Variants in DLG5 observed in about 807,000 individuals in gnomAD.
The protein encoded by DLG5 is disks large homolog 5.
DLG5 carries 48 observed loss-of-function variants against 189.8 expected under a neutral mutation model. The observed-to-expected ratio is 0.25, with a 90% CI of 0.20 to 0.32. The LOEUF (loss-of-function observed/expected upper bound fraction) is 0.32. Among genes scored for constraint, DLG5 ranks in the 10% least tolerant of loss-of-function variants. DLG5 has a pLI of 1.00. For missense variants in DLG5, 2,160 were observed against 2,544.7 expected, an observed-to-expected ratio of 0.85 and a Z score of 3.25; for synonymous variants, 1,016 against 1,054.1, an observed-to-expected ratio of 0.96 and a Z score of 0.70.
chr10:77,796,146 T>C lies in DLG5; in HGVS notation c.5351A>G (p.Lys1784Arg), dbSNP rs1476297678. 2 of 1,614,056 alleles carry C rather than the reference T, an allele frequency of 1.2e-6. No individual in the cohort carries two copies. The highest frequency in any genetic ancestry group is 3.3e-5 in the Admixed American group (2 of 60,006). The change falls in exon 29 of 32, where the codon AAA (lysine) becomes AGA (arginine). Residue 1784 changes from lysine (K) to arginine (R), a missense_variant. By Grantham distance (26) the Lys-to-Arg change is conservative. This residue lies in a region of DLG5 where 574 missense variants were observed against 644.2 expected (regional missense o/e 0.89). Coordinates refer to ENST00000372391, the MANE Select transcript of DLG5 (RefSeq NM_004747.4). The surrounding 1 kb of genome is among the most constrained non-coding windows in gnomAD (Gnocchi z 5.2). Reference protein sequence around the residue: ...ASQQAIERGVKDCLFVDYKRR... With the variant: ...ASQQAIERGVRDCLFVDYKRR... Reference sequence around the variant, plus strand: ...CTTATAGTCGACAAACAGGCAATCTTTGACACCCCGCTCAATGGCCTGCTG... The same window carrying C: ...CTTATAGTCGACAAACAGGCAATCTCTGACACCCCGCTCAATGGCCTGCTG...
At chr10:77,850,963 T>C (rs985204669) in intron 5 of DLG5, among the ~76,000 whole-genome samples, 2 of 152,104 alleles carry the variant, frequency 1.3e-5, no homozygotes, top group Non-Finnish European at 2.9e-5. Flanking sequence ...AGGCAAAAGG[T>C]TACCTGAGCC....
At chr10:77,811,867 C>A in intron 22 of DLG5, 57 bp downstream of exon 22, 2 of 1,541,876 alleles carry the variant, frequency 1.3e-6, no homozygotes, top group Admixed American at 1.9e-5. Flanking sequence ...GAGCAGAGTG[C>A]TGCTGCACCC....
At chr10:77,935,815 A>G in the DLG5 span, among the ~76,000 whole-genome samples, 1 of 152,180 alleles carries the variant, frequency 6.6e-6, no homozygotes, top group Non-Finnish European at 1.5e-5. Flanking sequence ...GCAGAGGAGC[A>G]GTTGTTTCTA....
chr10:77,926,615 G>A lies in DLG5; in HGVS notation c.-95C>T, dbSNP rs1209442402. 9.9e-7 allele frequency: 1 copy of A among 1,013,484 alleles called. No homozygotes were observed. The highest frequency in any genetic ancestry group is 1.2e-6 in the Non-Finnish European group (1 of 822,846). The allele number at this position is 1,013,484 out of a possible 1,614,324, so 62.8% of individuals were successfully genotyped here. On this transcript the variant is annotated 5_prime_UTR_variant, in exon 1 of 32. Coordinates refer to ENST00000372391, the MANE Select transcript of DLG5 (RefSeq NM_004747.4). This position sits in a 1 kb window ranked among gnomAD's most constrained non-coding sequence, Gnocchi z 5.2. ...CGAGCACCTCGGCAGCAGCCCTAGG[G>A]CGCCGGGAGCCGTGAGGCGGCGGGA...
At chr10:77,818,783 AT>A (rs10708893) in intron 17 of DLG5, among the ~76,000 whole-genome samples, 105,834 of 148,384 alleles carry the variant, frequency 0.71, 38,048 homozygotes, top group African/African-American at 0.84. Flanking sequence ...CACTTCGTTC[AT>A]TTTTTTTTTT....
the DLG5 span, among the ~76,000 whole-genome samples, chr10:77,937,538 G>GA: frequency 6.6e-6 from 1 of 152,072 alleles, no homozygotes; most frequent in East Asian, 1.9e-4. Context: ...CCTGAGAATT[G>GA]AAAAAACCAA....
intron 3 of DLG5, 103 bp from the exon 4 acceptor site, chr10:77,854,473 G>C (rs1844133660): frequency 1.4e-6 from 2 of 1,457,104 alleles, no homozygotes; most frequent in Non-Finnish European, 1.9e-6. Flanking sequence ...CCCCAGTACT[G>C]GTCTTCTATG....
At chr10:77,834,797 C>G (rs1355732206) in intron 8 of DLG5, among the ~76,000 whole-genome samples, 1 of 152,148 alleles carries the variant, frequency 6.6e-6, no homozygotes, top group African/African-American at 2.4e-5. Context: ...TGAGCAGAAG[C>G]AGACAGGAAG....
intron 1 of DLG5, among the ~76,000 whole-genome samples, chr10:77,920,950 C>A (rs770175509): frequency 6.6e-5 from 10 of 152,298 alleles, no homozygotes; most frequent in Non-Finnish European, 1.3e-4. Context: ...TAAAGGTACC[C>A]TGAAATGATA....
At chr10:77,940,169 A>T in the DLG5 span, among the ~76,000 whole-genome samples, 1 of 152,194 alleles carries the variant, frequency 6.6e-6, no homozygotes, top group Non-Finnish European at 1.5e-5. Flanking sequence ...AACCAGTCAC[A>T]TAGGATGTCC....
chr10:77,871,612 G>A (rs745546042), intron 1 of DLG5, among the ~76,000 whole-genome samples: 4 of 131,126 alleles, frequency 3.1e-5, no homozygotes, highest in Admixed American at 2.0e-4. Flanking sequence ...GCGCGATCTC[G>A]GCTCACTGCA....
At chr10:77,935,003 G>A in the DLG5 span, among the ~76,000 whole-genome samples, 11 of 151,842 alleles carry the variant, frequency 7.2e-5, no homozygotes, top group Non-Finnish European at 1.2e-4. Flanking sequence ...GACTACAGGC[G>A]CCCGCCACCA....
rs760695760 is a variant in DLG5, at chr10:77,841,865, C to A, written c.1437+16G>T. On this transcript the variant is annotated intron_variant, in intron 7 of 31. Coordinates refer to ENST00000372391, the MANE Select transcript of DLG5 (RefSeq NM_004747.4). ...GTAGGAGAGGCTGAAAGCCAGCCAC[C>A]GGCCCACCCACCTACCTGCCGCAGC... The A allele has an allele frequency of 1.3e-6, 2 of 1,598,290 alleles. No individual in the cohort carries two copies. Among genetic ancestry groups the A allele is most frequent in the Admixed American group, 3.3e-5 (2 of 59,702 alleles).
rs910700394 is a variant in DLG5 at position 77,926,242 on chromosome 10, C to A, written c.279G>T (p.Gly93=). The change falls in exon 1 of 32, where the codon GGG becomes GGT. Residue 93 remains glycine (G), a synonymous_variant. Coordinates refer to ENST00000372391, the MANE Select transcript of DLG5 (RefSeq NM_004747.4). This position sits in a 1 kb window ranked among gnomAD's most constrained non-coding sequence, Gnocchi z 5.2. ...LPILYLNGVV[G]PPQPAEGAGS... is the part of the protein sequence containing the mutation. ...CCGCGCCTTCGGCGGGCTGCGGCGG[C>A]CCGACGACGCCGTTCAGGTAGAGAA... The A allele has an allele frequency of 6.6e-7, 1 of 1,517,776 alleles. No homozygotes were observed. The highest frequency in any genetic ancestry group is 8.8e-7 in the Non-Finnish European group (1 of 1,131,904). 94.0% of individuals were successfully genotyped at this position (1,517,776 alleles called of 1,614,324 possible).
intron 29 of DLG5, among the ~76,000 whole-genome samples, chr10:77,795,599 G>A (rs936602319): frequency 1.3e-5 from 2 of 152,110 alleles, no homozygotes; most frequent in Admixed American, 6.5e-5. Context: ...CCCCACAGAC[G>A]TCCCCGCCCT....
intron 7 of DLG5, among the ~76,000 whole-genome samples, chr10:77,841,083 A>G (rs1843393291): frequency 6.6e-6 from 1 of 152,246 alleles, no homozygotes; most frequent in African/African-American, 2.4e-5. Context: ...CTATTCTGAT[A>G]GGAAAAAAAT....
intron 7 of DLG5, among the ~76,000 whole-genome samples, chr10:77,838,746 C>A (rs776929536): frequency 6.6e-6 from 1 of 152,246 alleles, no homozygotes; most frequent in Non-Finnish European, 1.5e-5. Context: ...GAAGGCCCCC[C>A]ACAGCTGACC....
intron 3 of DLG5, among the ~76,000 whole-genome samples, chr10:77,855,050 C>T (rs997103447): frequency 6.6e-6 from 1 of 152,158 alleles, no homozygotes; most frequent in African/African-American, 2.4e-5. Context: ...AAAGAAATTT[C>T]TCCTCTCTTT....
At chr10:77,900,487 C>T (rs187811760) in intron 1 of DLG5, among the ~76,000 whole-genome samples, 170 of 152,270 alleles carry the variant, frequency 1.1e-3, no homozygotes, top group African/African-American at 4.0e-3. Flanking sequence ...ACCCCGGGGC[C>T]CCCTTCCATA....
Sources: allele counts gnomAD v4.1 joint callset (sites outside exome capture counted in the v4.1 genomes callset), GRCh38; gene constraint gnomAD v4.1.1; regional missense constraint gnomAD v4.1.1; non-coding constraint Gnocchi (gnomAD v3.1); transcripts MANE v1.5; gene names NCBI Gene and HGNC (gene_info 2026-07-23, HGNC 2026-07-21).